Variants in KIAA1549 observed in about 807,000 individuals in gnomAD.
The protein encoded by KIAA1549 is UPF0606 protein KIAA1549.
Under a neutral mutation model 156.4 loss-of-function variants are expected in KIAA1549, and 70 were observed. That is an observed-to-expected ratio of 0.45 (90% CI 0.37 to 0.55). The LOEUF (loss-of-function observed/expected upper bound fraction) is 0.55, where lower values mean the gene tolerates loss of function less well. Among genes scored for constraint, KIAA1549 ranks in the 20% least tolerant of loss-of-function variants. The pLI is 0.00. For missense variants in KIAA1549, 2,428 were observed against 2,540.9 expected (o/e 0.96, Z 0.96); for synonymous variants, 1,103 against 1,066.4 (o/e 1.03, Z -0.67).
chr7:138,918,004 A>G lies in KIAA1549; in HGVS notation c.1622T>C (p.Leu541Ser), dbSNP rs1181178656. The G allele has an allele frequency of 6.2e-7, 1 of 1,602,430 alleles. No homozygotes were observed. The highest frequency in any genetic ancestry group is 8.5e-7 in the Non-Finnish European group (1 of 1,174,492). The change falls in exon 2 of 20, where the codon TTG (leucine) becomes TCG (serine). Residue 541 changes from leucine to serine, a missense_variant. Physicochemically the swap from Leu to Ser is moderately radical, Grantham distance 145. This residue lies in a region of KIAA1549 where 893 missense variants were observed against 847.9 expected (regional missense o/e 1.05). Coordinates refer to ENST00000422774, the MANE Select transcript of KIAA1549 (RefSeq NM_001164665.2). The surrounding 1 kb of genome is among the most constrained non-coding windows in gnomAD (Gnocchi z 4.2). The stretch of plus-strand genomic sequence containing the variant: ...CGTCACTTGGGTTTCAGCAACAGAC[A>G]AGGAGCCAGCAGTAGGATCAAGTGA... ...PASLDPTAGS[L>S]SVAETQVTPS...
Position 138,918,889 on chromosome 7 carries a change from G to A in KIAA1549, c.737C>T (p.Pro246Leu), listed in dbSNP as rs1400541221. The A allele has an allele frequency of 3.1e-6, 5 of 1,614,050 alleles. No individual in the cohort carries two copies. In the South Asian group the frequency reaches 4.4e-5, roughly 14 times the overall value. Residue 246 changes from proline to leucine, a missense_variant, in exon 2 of 20, where the codon CCT becomes CTT. Coordinates refer to ENST00000422774, the MANE Select transcript of KIAA1549 (RefSeq NM_001164665.2). The surrounding 1 kb of genome is among the most constrained non-coding windows in gnomAD (Gnocchi z 4.2). ...AGGATAAAGCACCAAATTCCTGCCA[G>A]GAGTTGGAACGATGCCCTCAGAGGT... ...FRTSEGIVPTPGRNLVLYPTD... is the reference protein window; with the variant it reads ...FRTSEGIVPTLGRNLVLYPTD...
chr7:138,846,602 T>C (rs1810083308), intron 17 of KIAA1549, among the ~76,000 whole-genome samples: 1 of 149,788 alleles, frequency 6.7e-6, no homozygotes, highest in African/African-American at 2.5e-5. Flanking sequence ...TGCACTTCTG[T>C]ACAAATGTCA....
At chr7:138,933,657 C>T (rs545124428) in intron 1 of KIAA1549, among the ~76,000 whole-genome samples, 57 of 152,332 alleles carry the variant, frequency 3.7e-4, no homozygotes, top group African/African-American at 1.4e-3. Flanking sequence ...AATTTGCCAA[C>T]TTTATGTCTA....
intron 11 of KIAA1549, 31 bp from the exon 12 acceptor site, chr7:138,879,684 G>C: frequency 7.6e-7 from 1 of 1,324,374 alleles, no homozygotes; most frequent in Non-Finnish European, 1.0e-6. Context: ...GCAAACATTA[G>C]AAACAAGAAA....
intron 17 of KIAA1549, among the ~76,000 whole-genome samples, chr7:138,846,996 C>T (rs1039682722): frequency 3.9e-5 from 6 of 152,186 alleles, no homozygotes; most frequent in African/African-American, 1.4e-4. Context: ...CTTTATAGAT[C>T]TAAGAGCCTT....
At chr7:138,979,794 C>T (rs1286010235) in intron 1 of KIAA1549, among the ~76,000 whole-genome samples, 1 of 152,238 alleles carries the variant, frequency 6.6e-6, no homozygotes, top group Admixed American at 6.5e-5. Flanking sequence ...AACCCTGGTT[C>T]CACCCAGCTA....
chr7:138,930,184 G>C (rs936449255), intron 1 of KIAA1549, among the ~76,000 whole-genome samples: 1 of 152,310 alleles, frequency 6.6e-6, no homozygotes, highest in African/African-American at 2.4e-5. Flanking sequence ...GGTCTCAAGA[G>C]TGGCCTTAAG....
At chr7:138,839,925 C>G (rs1250838945) in intron 19 of KIAA1549, among the ~76,000 whole-genome samples, 1 of 151,000 alleles carries the variant, frequency 6.6e-6, no homozygotes, top group Non-Finnish European at 1.5e-5. Context: ...GTAGCTGGGA[C>G]TACCAGCACC....
At chr7:138,969,902 G>A (rs979161572) in intron 1 of KIAA1549, among the ~76,000 whole-genome samples, 3 of 152,132 alleles carry the variant, frequency 2.0e-5, no homozygotes, top group African/African-American at 4.8e-5. Context: ...ATACAGGTAC[G>A]TAATGCATAA....
rs146438663 is a variant in KIAA1549, at chr7:138,854,838, C to T, written c.5248-2569G>A. 5.6e-4 allele frequency among the ~76,000 whole-genome samples: 85 copies of T among 152,258 alleles called. 1 individual carries two copies. In the East Asian group the frequency reaches 0.016, roughly 28 times the overall value. ...GCATTATCAGGGAATCCTGGATCTG[C>T]AACACCTATGAACAATGAACAAATA... On this transcript the variant is annotated intron_variant, in intron 16 of 19. Coordinates refer to ENST00000422774, the MANE Select transcript of KIAA1549 (RefSeq NM_001164665.2).
intron 1 of KIAA1549, among the ~76,000 whole-genome samples, chr7:138,947,634 C>T (rs1584777091): frequency 6.6e-6 from 1 of 152,188 alleles, no homozygotes; most frequent in East Asian, 1.9e-4. Flanking sequence ...AATAACTAAC[C>T]TCATAATTAC....
At chr7:138,945,221 T>C (rs1185068466) in intron 1 of KIAA1549, among the ~76,000 whole-genome samples, 4 of 152,184 alleles carry the variant, frequency 2.6e-5, no homozygotes, top group Non-Finnish European at 5.9e-5. Context: ...GGCCTTTCCC[T>C]AGACTCTCTG....
chr7:138,951,073 G>A (rs1457244277), intron 1 of KIAA1549, among the ~76,000 whole-genome samples: 4 of 151,538 alleles, frequency 2.6e-5, no homozygotes, highest in Non-Finnish European at 5.9e-5. Context: ...GTTTTGTTTT[G>A]TTTTGTTTTG....
intron 1 of KIAA1549, among the ~76,000 whole-genome samples, chr7:138,966,303 G>A (rs890779255): frequency 1.3e-5 from 2 of 152,012 alleles, no homozygotes; most frequent in African/African-American, 2.4e-5. Context: ...CAGAGGGAAC[G>A]CCATGTAAAG....
intron 10 of KIAA1549, among the ~76,000 whole-genome samples, chr7:138,888,712 C>A (rs1408517750): frequency 1.3e-5 from 2 of 152,192 alleles, no homozygotes; most frequent in Non-Finnish European, 2.9e-5. Flanking sequence ...CCCTCCTGCA[C>A]ATTAAAAAAT....
chr7:138,876,998 T>C (rs1217196208), intron 12 of KIAA1549, among the ~76,000 whole-genome samples: 2 of 152,156 alleles, frequency 1.3e-5, no homozygotes, highest in East Asian at 1.9e-4. Flanking sequence ...CCACATGACC[T>C]GGGACAGTCG....
Position 138,918,902 on chromosome 7 carries a change from T to C in KIAA1549, c.724A>G (p.Ile242Val), listed in dbSNP as rs1222841088. The C allele has an allele frequency of 6.2e-7, 1 of 1,614,030 alleles. No individual in the cohort carries two copies. The highest frequency in any genetic ancestry group is 1.1e-5 in the South Asian group (1 of 91,084). ...FRSAFRTSEG[I>V]VPTPGRNLVL... is the part of the protein sequence containing the mutation. ...AAATTCCTGCCAGGAGTTGGAACGA[T>C]GCCCTCAGAGGTGCGAAAAGCTGAC... Residue 242 changes from isoleucine to valine, a missense_variant, in exon 2 of 20, where the codon ATC becomes GTC. Around this residue, in one of 5 missense-constraint regions of KIAA1549, gnomAD observed 893 missense variants for 847.9 expected, o/e 1.05. Transcript: ENST00000422774. The surrounding 1 kb of genome is among the most constrained non-coding windows in gnomAD (Gnocchi z 4.2).
chr7:138,861,338 G>A lies in KIAA1549; in HGVS notation c.5048C>T (p.Ala1683Val). 3.1e-6 allele frequency: 5 copies of A among 1,609,044 alleles called. No homozygotes were observed. Among genetic ancestry groups the A allele is most frequent in the South Asian group, 1.1e-5 (1 of 90,364 alleles). The change falls in exon 16 of 20, where the codon GCA becomes GTA. Residue 1683 changes from alanine (A) to valine (V), a missense_variant. Physicochemically the swap from Ala to Val is moderately conservative, Grantham distance 64. Around this residue, in one of 5 missense-constraint regions of KIAA1549, gnomAD observed 6 missense variants for 20.4 expected, o/e 0.29. Coordinates refer to ENST00000422774, the MANE Select transcript of KIAA1549 (RefSeq NM_001164665.2). ...YIPPQPSIEE[A>V]RQTMHSLLDD... The stretch of plus-strand genomic sequence containing the variant: ...CAGGAGGGAGTGCATGGTCTGGCGT[G>A]CCTCCTCGATGGACGGCTGGGGTGG...
chr7:138,966,621 T>C (rs1434168481), intron 1 of KIAA1549, among the ~76,000 whole-genome samples: 2 of 151,814 alleles, frequency 1.3e-5, no homozygotes, highest in East Asian at 3.9e-4. Flanking sequence ...TGCTTGCTTT[T>C]ATCCTAGCCA....
Sources: allele counts gnomAD v4.1 joint callset (sites outside exome capture counted in the v4.1 genomes callset), GRCh38; gene constraint gnomAD v4.1.1; regional missense constraint gnomAD v4.1.1; non-coding constraint Gnocchi (gnomAD v3.1); transcripts MANE v1.5; gene names NCBI Gene and HGNC (gene_info 2026-07-23, HGNC 2026-07-21).